The following PMPCB variants were observed in gnomAD, a reference collection of about 807,000 sequenced individuals.
PMPCB encodes mitochondrial-processing peptidase subunit beta.
PMPCB carries 46 observed loss-of-function variants against 61.5 expected under a neutral mutation model. The observed-to-expected ratio is 0.75, with a 90% CI of 0.59 to 0.96. The LOEUF (loss-of-function observed/expected upper bound fraction) is 0.96, where lower values mean the gene tolerates loss of function less well. Ranked by LOEUF, PMPCB falls within the 40% of genes least tolerant of loss-of-function variation. The pLI is 0.00. For synonymous variants in PMPCB, 191 were observed against 201.6 expected, an observed-to-expected ratio of 0.95 and a Z score of 0.44; for missense variants, 590 against 602.4, an observed-to-expected ratio of 0.98 and a Z score of 0.22.
In PMPCB at chr7:103,298,591, A is replaced by AT; in HGVS notation, c.125dup (p.Leu42PhefsTer16). ...AGTCATTATATTTTGGAGAGAACAGATTAAGAAGTACACAGGCTGCTACCC... is the reference window on the plus strand; with the variant it reads ...AGTCATTATATTTTGGAGAGAACAGATTTAAGAAGTACACAGGCTGCTACCC... On this transcript the variant is annotated frameshift_variant, in exon 2 of 13. Coordinates refer to ENST00000249269, the MANE Select transcript of PMPCB (RefSeq NM_004279.3). LOFTEE classifies it high-confidence loss of function. 1 of 1,614,124 alleles carries AT rather than the reference A, an allele frequency of 6.2e-7. No individual in the cohort carries two copies. The highest frequency in any genetic ancestry group is 8.5e-7 in the Non-Finnish European group (1 of 1,179,982).
chr7:103,321,649 A>G (rs1163317660), intron 12 of PMPCB, among the ~76,000 whole-genome samples: 4 of 151,960 alleles, frequency 2.6e-5, no homozygotes, highest in African/African-American at 9.7e-5. Flanking sequence ...GGAGTACAAG[A>G]CCAGCTTTGC....
At chr7:103,301,548 C>T (rs1328645283) in intron 4 of PMPCB, among the ~76,000 whole-genome samples, 7 of 152,160 alleles carry the variant, frequency 4.6e-5, no homozygotes, top group African/African-American at 1.4e-4. Flanking sequence ...TGAAATTAAA[C>T]GACTTTTTTC....
downstream of PMPCB, among the ~76,000 whole-genome samples, chr7:103,334,108 G>A (rs909277418): frequency 6.6e-6 from 1 of 151,864 alleles, no homozygotes; most frequent in Non-Finnish European, 1.5e-5. Context: ...CCGCCACCAC[G>A]CCCAGCTGAT....
intron 9 of PMPCB, 160 bp from the exon 10 acceptor site, chr7:103,311,483 T>C (rs1238607244): frequency 1.6e-6 from 1 of 609,806 alleles, no homozygotes; most frequent in African/African-American, 1.9e-5. Context: ...TTTTGAGAAA[T>C]TAATACTGGG....
At chr7:103,304,737 C>T (rs530569752) in intron 6 of PMPCB, among the ~76,000 whole-genome samples, 10 of 152,000 alleles carry the variant, frequency 6.6e-5, no homozygotes, top group African/African-American at 2.4e-4. Context: ...CCGAGGTGGG[C>T]GGATCACGAG....
At chr7:103,301,754 A>C (rs1201351610) in intron 4 of PMPCB, among the ~76,000 whole-genome samples, 1 of 151,774 alleles carries the variant, frequency 6.6e-6, no homozygotes, top group African/African-American at 2.4e-5. Context: ...AGATGTTTAG[A>C]CTAATGGTCT....
At chr7:103,329,430 TTAA>T (rs1222751432) in exon 13 of PMPCB, 1 of 152,336 alleles carries the variant, frequency 6.6e-6, no homozygotes, top group African/African-American at 2.4e-5. Context: ...ATTATGTTTA[TTAA>T]TAATTTTTCC....
intron 4 of PMPCB, 33 bp downstream of exon 4, chr7:103,300,340 A>C (rs1461393795): frequency 6.6e-7 from 1 of 1,507,480 alleles, no homozygotes; most frequent in East Asian, 2.3e-5. Flanking sequence ...AGATAATGTA[A>C]TTTTCATGAG....
the PMPCB span, chr7:103,344,296 G>A: frequency 1.8e-6 from 1 of 553,506 alleles, no homozygotes; most frequent in Admixed American, 3.3e-5. Flanking sequence ...GTCCCGAAAT[G>A]CTCAGCCCAA....
At chr7:103,304,569 A>G (rs1303537936) in intron 6 of PMPCB, 79 bp downstream of exon 6, 2 of 894,152 alleles carry the variant, frequency 2.2e-6, no homozygotes, top group Non-Finnish European at 3.8e-6. Flanking sequence ...TCCTGTTGGG[A>G]GATACCCTAA....
intron 12 of PMPCB, chr7:103,322,796 T>C: frequency 1.2e-6 from 2 of 1,600,122 alleles, no homozygotes; most frequent in Non-Finnish European, 8.5e-7. Flanking sequence ...TCATCACGAC[T>C]ATAAAATAGA....
intron 7 of PMPCB, among the ~76,000 whole-genome samples, chr7:103,307,982 T>G (rs1161621113): frequency 6.6e-6 from 1 of 152,274 alleles, no homozygotes; most frequent in Non-Finnish European, 1.5e-5. Context: ...GTTTATAATT[T>G]GGTCTTTTTG....
chr7:103,344,497 G>A, the PMPCB span: 1 of 1,589,460 alleles, frequency 6.3e-7, no homozygotes, highest in South Asian at 1.1e-5. Flanking sequence ...GGGTTGCCGA[G>A]GCGGAGGACT....
chr7:103,313,406 T>C lies in PMPCB; in HGVS notation c.*1135T>C. ...CTCACCAGACTGGTAAAAAGCCATA[T>C]TTAAATTTATAGTACTGTTGGACTC... On this transcript the variant is annotated 3_prime_UTR_variant, in exon 13 of 13. Coordinates refer to ENST00000249269, the MANE Select transcript of PMPCB (RefSeq NM_004279.3). The C allele has an allele frequency of 1.0e-6, 1 of 984,158 alleles. No individual in the cohort carries two copies. The highest frequency in any genetic ancestry group is 1.2e-6 in the Non-Finnish European group (1 of 828,776). The allele number at this position is 984,158 out of a possible 1,614,324, so 61.0% of individuals were successfully genotyped here. A position where few individuals can be genotyped will look rare whatever the true frequency, so the allele number is the denominator to read the frequency against.
chr7:103,311,781 A>G, intron 10 of PMPCB, 27 bp from the exon 11 acceptor site: 1 of 1,600,448 alleles, frequency 6.2e-7, no homozygotes, highest in Non-Finnish European at 8.6e-7. Context: ...GTATTCCAAT[A>G]GTTAATTTTT....
chr7:103,312,896 C>A lies in PMPCB; in HGVS notation c.*625C>A. On this transcript the variant is annotated 3_prime_UTR_variant, in exon 13 of 13. Coordinates refer to ENST00000249269, the MANE Select transcript of PMPCB (RefSeq NM_004279.3). ...TAGACATAAAATATGAGCTATATCA[C>A]CCAAGCTACAATTTAAAATACAACA... 1 of 1,576,600 alleles carries A rather than the reference C, an allele frequency of 6.3e-7. No individual in the cohort carries two copies.
chr7:103,337,932 G>T, the PMPCB span: 3 of 699,854 alleles, frequency 4.3e-6, no homozygotes, highest in Admixed American at 7.3e-5. Context: ...TCCAGTAAGA[G>T]GTTCTGTATA....
chr7:103,346,983 T>A, the PMPCB span, among the ~76,000 whole-genome samples: 1 of 152,226 alleles, frequency 6.6e-6, no homozygotes, highest in East Asian at 1.9e-4. Context: ...CTCTTTGAGA[T>A]CCTGTTTTCA....
At chr7:103,323,563 A>G (rs1818538251) in intron 12 of PMPCB, 2 of 1,429,152 alleles carry the variant, frequency 1.4e-6, no homozygotes, top group African/African-American at 2.9e-5. Context: ...AGAACCAAAT[A>G]AATACCTTCC....
Sources: gnomAD v4.1 joint callset for allele counts (sites outside exome capture counted in the v4.1 genomes callset) on GRCh38, gnomAD v4.1.1 for gene constraint, MANE v1.5 for transcripts, NCBI Gene and HGNC (gene_info 2026-07-23, HGNC 2026-07-21) for gene names.